Variants in CCDC42 observed in about 807,000 individuals in gnomAD.
CCDC42 encodes coiled-coil domain containing 42, also known as coiled-coil domain-containing protein 42.
In CCDC42, 38 loss-of-function variants were observed where a neutral mutation model predicts 40.8. The observed-to-expected ratio is 0.93, with a 90% CI of 0.72 to 1.22. CCDC42 has a LOEUF of 1.22. CCDC42 is among the 50% of genes most tolerant of loss of function. The pLI is 0.00. For synonymous variants in CCDC42, 135 were observed against 157.5 expected (o/e 0.86, Z 1.07); for missense variants, 379 against 416.5 (o/e 0.91, Z 0.78).
chr17:8,735,642 C>T lies in CCDC42; in HGVS notation c.493-31G>A, dbSNP rs1174727054. 18 of 1,587,044 alleles carry T rather than the reference C, an allele frequency of 1.1e-5. No individual in the cohort carries two copies. Among genetic ancestry groups the T allele is most frequent in the Non-Finnish European group, 1.5e-5 (18 of 1,161,656 alleles). On this transcript the variant is annotated intron_variant, in intron 4 of 6. Transcript: ENST00000293845. The surrounding 1 kb of genome is among the most constrained non-coding windows in gnomAD (Gnocchi z 4.7). ...GTCAGGGGCTCAGGTCAATGCACAG[C>T]CAGCCCCTGGGGCCTGAGGGAGCCA...
intron 3 of CCDC42, among the ~76,000 whole-genome samples, chr17:8,742,334 C>T (rs573977198): frequency 6.6e-6 from 1 of 152,176 alleles, no homozygotes; most frequent in African/African-American, 2.4e-5. Context: ...GGAGATGTGC[C>T]TGGTGCCATA....
rs17808513 is a variant in CCDC42, at chr17:8,735,808, G to C, written c.493-197C>G. Among the ~76,000 whole-genome samples the C allele has an allele frequency of 0.33, 50,701 of 152,134 alleles. 9,549 individuals are homozygous for C. The highest frequency in any genetic ancestry group is 0.44 in the Non-Finnish European group (29,850 of 67,950). On this transcript the variant is annotated intron_variant, in intron 4 of 6. Coordinates refer to ENST00000293845, the MANE Select transcript of CCDC42 (RefSeq NM_144681.3). The surrounding 1 kb of genome is among the most constrained non-coding windows in gnomAD (Gnocchi z 4.7). ...CTTCTCCTGGGTTTGTACGGGCCAC[G>C]GTCCATTTGTTGGGCAGGGGGATGC...
In CCDC42 at chr17:8,735,381, G is replaced by A. The variant is rs760134781; in HGVS notation, c.714+9C>T. ...CCTGGGAGCCCCCGGCCCGCCCCGG[G>A]CCCCTCACCCAGAAGATGACATTGC... On this transcript the variant is annotated intron_variant, in intron 5 of 6. Coordinates refer to ENST00000293845, the MANE Select transcript of CCDC42 (RefSeq NM_144681.3). This position sits in a 1 kb window ranked among gnomAD's most constrained non-coding sequence, Gnocchi z 4.7. The A allele has an allele frequency of 1.9e-6, 3 of 1,613,560 alleles. No homozygotes were observed. Among genetic ancestry groups the A allele is most frequent in the East Asian group, 4.5e-5 (2 of 44,878 alleles).
chr17:8,734,490 T>G (rs1171644902), intron 6 of CCDC42, among the ~76,000 whole-genome samples: 2 of 152,048 alleles, frequency 1.3e-5, no homozygotes, highest in African/African-American at 4.8e-5. Context: ...ATTTCACTTT[T>G]TTTTTTTTTT....
intron 4 of CCDC42, among the ~76,000 whole-genome samples, chr17:8,738,464 A>ATT (rs60710929): frequency 1.6e-4 from 22 of 139,664 alleles, no homozygotes; most frequent in African/African-American, 3.2e-4. Context: ...ATGATTTGAG[A>ATT]TTTTTTTTTT....
At chr17:8,744,250 A>AC (rs2086664076) in intron 1 of CCDC42, 66 bp from the exon 2 acceptor site, 1 of 1,203,806 alleles carries the variant, frequency 8.3e-7, no homozygotes. Flanking sequence ...GCTGGGAGTA[A>AC]CCCGTGGAGA....
chr17:8,741,507 G>T lies in CCDC42; in HGVS notation c.459C>A (p.Asn153Lys). Reference sequence around the variant, plus strand: ...TCTCCACCACCTTCTCTAGGTACTTGTTGAAGATGTAGTAGTCCTTCAGCT... The same window carrying T: ...TCTCCACCACCTTCTCTAGGTACTTTTTGAAGATGTAGTAGTCCTTCAGCT... Reference protein sequence around the residue: ...SAKLKDYYIFNKYLEKVVENS... With the variant: ...SAKLKDYYIFKKYLEKVVENS... Residue 153 changes from asparagine to lysine, a missense_variant, in exon 4 of 7, where the codon AAC becomes AAA. Physicochemically the swap from Asn to Lys is moderately conservative, Grantham distance 94 (BLOSUM62 0). Transcript: ENST00000293845. The T allele has an allele frequency of 6.2e-7, 1 of 1,614,232 alleles. No individual in the cohort carries two copies. Among genetic ancestry groups the T allele is most frequent in the Non-Finnish European group, 8.5e-7 (1 of 1,180,042 alleles).
chr17:8,730,315 T>C, intron 6 of CCDC42, 108 bp from the exon 7 acceptor site: 2 of 658,450 alleles, frequency 3.0e-6, no homozygotes, highest in East Asian at 5.6e-5. Context: ...ATTGCTTTCC[T>C]GTGACTGACT....
At chr17:8,737,701 A>T (rs775356815) in intron 4 of CCDC42, among the ~76,000 whole-genome samples, 1 of 152,234 alleles carries the variant, frequency 6.6e-6, no homozygotes, top group African/African-American at 2.4e-5. Flanking sequence ...ACATCAATGG[A>T]ATCATACGAT....
chr17:8,742,763 C>T (rs1219477744), intron 3 of CCDC42, among the ~76,000 whole-genome samples: 2 of 152,244 alleles, frequency 1.3e-5, no homozygotes, highest in Non-Finnish European at 2.9e-5. Flanking sequence ...CTGGGCCCAA[C>T]CTCAGACGTG....
At chr17:8,738,996 A>G (rs1183860151) in intron 4 of CCDC42, among the ~76,000 whole-genome samples, 1 of 152,212 alleles carries the variant, frequency 6.6e-6, no homozygotes, top group African/African-American at 2.4e-5. Context: ...CTGGGGGCAG[A>G]TGGGGAAAAT....
At chr17:8,733,792 C>T (rs551755210) in intron 6 of CCDC42, among the ~76,000 whole-genome samples, 2 of 151,992 alleles carry the variant, frequency 1.3e-5, no homozygotes, top group Admixed American at 1.3e-4. Flanking sequence ...CTGGGCCCTC[C>T]CACTGCATCT....
chr17:8,733,122 G>T (rs2086590703), intron 6 of CCDC42, among the ~76,000 whole-genome samples: 1 of 152,160 alleles, frequency 6.6e-6, no homozygotes, highest in African/African-American at 2.4e-5. Context: ...TAGTATAAGA[G>T]CTACAGGTGG....
At chr17:8,743,763 A>G (rs767940543) in intron 2 of CCDC42, 33 bp from the exon 3 acceptor site, 1 of 1,287,410 alleles carries the variant, frequency 7.8e-7, no homozygotes, top group South Asian at 1.2e-5. Context: ...CAGAGAGGTC[A>G]GGAGGGCTCC....
At chr17:8,740,034 C>T (rs1168833412) in intron 4 of CCDC42, among the ~76,000 whole-genome samples, 2 of 152,146 alleles carry the variant, frequency 1.3e-5, no homozygotes, top group African/African-American at 4.8e-5. Flanking sequence ...ATTGTGGGAC[C>T]TTTAAACAGT....
Position 8,740,266 on chromosome 17 carries a change from G to A in CCDC42, c.492+1208C>T, listed in dbSNP as rs951237977. 3.0e-4 allele frequency among the ~76,000 whole-genome samples: 46 copies of A among 152,050 alleles called. 1 individual carries two copies. Among genetic ancestry groups the A allele is most frequent in the Admixed American group, 2.8e-3 (42 of 15,272 alleles). On this transcript the variant is annotated intron_variant, in intron 4 of 6. Transcript: ENST00000293845. Reference sequence around the variant, plus strand: ...AGCACTTTGGGAGCCCAAGGCAGGCGGATCACGAGGTCAGGAGTTCGAGAC... The same window carrying A: ...AGCACTTTGGGAGCCCAAGGCAGGCAGATCACGAGGTCAGGAGTTCGAGAC...
chr17:8,734,573 C>A (rs529118749), intron 6 of CCDC42, among the ~76,000 whole-genome samples: 1 of 150,850 alleles, frequency 6.6e-6, no homozygotes, highest in African/African-American at 2.4e-5. Flanking sequence ...TTGAGGCTGG[C>A]CTGGAACTCC....
intron 4 of CCDC42, 101 bp downstream of exon 4, chr17:8,741,373 G>C: frequency 8.2e-7 from 1 of 1,220,166 alleles, no homozygotes. Flanking sequence ...ACAGTCCCCA[G>C]CCAGCTGAGC....
In CCDC42 at chr17:8,737,024, AAGAAG is replaced by A. The variant is rs371754058; in HGVS notation, c.493-1418_493-1414del. 8.7e-3 allele frequency among the ~76,000 whole-genome samples: 454 copies of A among 51,902 alleles called. 6 individuals carry two copies. Among genetic ancestry groups the A allele is most frequent in the South Asian group, 0.023 (44 of 1,922 alleles). The allele number at this position is 51,902 out of a possible 152,430, so 34.0% of individuals were successfully genotyped here. On this transcript the variant is annotated intron_variant, in intron 4 of 6. Coordinates refer to ENST00000293845, the MANE Select transcript of CCDC42 (RefSeq NM_144681.3). ...GAAAGGAAGGAAAAGAAAAAAAGAA[AAGAAG>A]AGGGAGGGAGGAAGGAAGGGAAAGA...
Sources: allele counts gnomAD v4.1 joint callset (sites outside exome capture counted in the v4.1 genomes callset), GRCh38; gene constraint gnomAD v4.1.1; non-coding constraint Gnocchi (gnomAD v3.1); transcripts MANE v1.5; gene names NCBI Gene and HGNC (gene_info 2026-07-23, HGNC 2026-07-21).